HMCN2: variants seen among roughly 807,000 people sequenced by gnomAD.
HMCN2 encodes the protein hemicentin 2, also known as hemicentin-2.
Under a neutral mutation model 377.5 loss-of-function variants are expected in HMCN2, and 325 were observed. That is an observed-to-expected ratio of 0.86 (90% CI 0.79 to 0.94). HMCN2 has a LOEUF of 0.94. Ranked by LOEUF, HMCN2 falls within the 40% of genes least tolerant of loss-of-function variation. The pLI, the probability that HMCN2 is intolerant of heterozygous loss-of-function variation, is 0.00. For synonymous variants in HMCN2, 2,007 were observed against 2,046.8 expected (o/e 0.98, Z 0.53); for missense variants, 4,543 against 4,725.3 (o/e 0.96, Z 1.13).
At chr9:130,278,104 G>C (rs1313901105) in intron 1 of HMCN2, among the ~76,000 whole-genome samples, 1 of 151,658 alleles carries the variant, frequency 6.6e-6, no homozygotes, top group Non-Finnish European at 1.5e-5. Flanking sequence ...TATCATCATT[G>C]TTTTTTTGTT....
chr9:130,373,723 GGATGGATAGGTAGGTGGATGGATA>G (rs373521966), intron 48 of HMCN2, among the ~76,000 whole-genome samples: 60 of 151,278 alleles, frequency 4.0e-4, no homozygotes, highest in Non-Finnish European at 6.9e-4. Flanking sequence ...ATGGATGGAT[GGATGGATAGGTAGGTGGATGGATA>G]GATGGATAGG....
chr9:130,425,216 G>A (rs1844258273), intron 89 of HMCN2, 86 bp downstream of exon 89: 3 of 1,403,144 alleles, frequency 2.1e-6, no homozygotes, highest in Non-Finnish European at 2.8e-6. Flanking sequence ...GAGCAGCCAG[G>A]CCCACTCTCC....
rs953818099 is a variant in HMCN2, at chr9:130,357,763, G to A, written c.5426-71G>A. 2.6e-6 allele frequency: 3 copies of A among 1,173,568 alleles called. No homozygotes were observed. The African/African-American group carries it at 4.8e-5, about 19-fold the overall frequency. 72.7% of individuals were successfully genotyped at this position (1,173,568 alleles called of 1,614,324 possible). The stretch of plus-strand genomic sequence containing the variant: ...CACCTTCTCACCCCCAGGCATCGAG[G>A]GGGTTGCTGGGTGCCCACTGTACTC... On this transcript the variant is annotated intron_variant, in intron 34 of 97. Coordinates refer to ENST00000683500, the MANE Select transcript of HMCN2 (RefSeq NM_001291815.2).
intron 6 of HMCN2, among the ~76,000 whole-genome samples, chr9:130,296,325 CA>C (rs1207415909): frequency 2.0e-5 from 3 of 152,200 alleles, no homozygotes; most frequent in Non-Finnish European, 4.4e-5. Context: ...TCCTGCCTTT[CA>C]AACTCTGAGC....
intron 15 of HMCN2, among the ~76,000 whole-genome samples, chr9:130,316,778 G>T (rs1837583879): frequency 1.3e-5 from 2 of 152,238 alleles, no homozygotes; most frequent in African/African-American, 4.8e-5. Flanking sequence ...TCACCTGGGA[G>T]TCTGTGTGAG....
At chr9:130,305,991 T>G in intron 11 of HMCN2, 138 bp from the exon 12 acceptor site, 1 of 377,440 alleles carries the variant, frequency 2.6e-6, no homozygotes, top group South Asian at 2.0e-5. Context: ...CCCGGGAGAT[T>G]GAAGCCCTCT....
chr9:130,397,867 A>G (rs535520628), intron 74 of HMCN2, among the ~76,000 whole-genome samples: 1 of 152,290 alleles, frequency 6.6e-6, no homozygotes, highest in Admixed American at 6.5e-5. Context: ...CAGCGATTCG[A>G]TTAAGTAAGA....
In HMCN2 at chr9:130,364,864, T is replaced by G; in HGVS notation, c.6383T>G (p.Leu2128Arg). ...CTGGAACCACGGCCTGGAGTCCACC[T>G]CTCCGCAGACAAAGCCTTGCTGCAG... Reference protein sequence around the residue: ...RPLEPRPGVHLSADKALLQVD... With the variant: ...RPLEPRPGVHRSADKALLQVD... The change falls in exon 41 of 98, where the codon CTC (leucine) becomes CGC (arginine). Residue 2128 changes from leucine (L) to arginine (R), a missense_variant. By Grantham distance (102) the Leu-to-Arg change is moderately radical. Around this residue, in one of 5 missense-constraint regions of HMCN2, gnomAD observed 1,032 missense variants for 1,285.1 expected, o/e 0.80. Transcript: ENST00000683500. The G allele has an allele frequency of 1.0e-6, 1 of 985,906 alleles. No homozygotes were observed. Among genetic ancestry groups the G allele is most frequent in the Non-Finnish European group, 1.2e-6 (1 of 830,000 alleles). 61.1% of individuals were successfully genotyped at this position (985,906 alleles called of 1,614,324 possible). A position where few individuals can be genotyped will look rare whatever the true frequency, so the allele number is the denominator to read the frequency against.
intron 22 of HMCN2, among the ~76,000 whole-genome samples, chr9:130,330,083 C>T (rs1326072077): frequency 5.3e-5 from 8 of 151,086 alleles, no homozygotes; most frequent in Admixed American, 4.6e-4. Flanking sequence ...CCTTCCTTCT[C>T]CAAGGATGTC....
intron 4 of HMCN2, among the ~76,000 whole-genome samples, chr9:130,294,201 A>G (rs1223456704): frequency 6.6e-6 from 1 of 152,156 alleles, no homozygotes; most frequent in Non-Finnish European, 1.5e-5. Context: ...ATGTGTACCT[A>G]AGGGATAGGA....
intron 23 of HMCN2, among the ~76,000 whole-genome samples, chr9:130,338,786 A>G (rs1299757463): frequency 1.3e-5 from 2 of 152,272 alleles, no homozygotes; most frequent in Non-Finnish European, 2.9e-5. Context: ...TCCTGTTTTC[A>G]GAGATCATGA....
intron 30 of HMCN2, among the ~76,000 whole-genome samples, chr9:130,352,092 G>A (rs896068561): frequency 3.9e-5 from 6 of 152,180 alleles, no homozygotes; most frequent in East Asian, 1.9e-4. Context: ...GATTACAGGC[G>A]TGAGTCACTG....
At chr9:130,370,899 G>A (rs1044106154) in intron 45 of HMCN2, 65 bp from the exon 46 acceptor site, 3 of 949,904 alleles carry the variant, frequency 3.2e-6, no homozygotes, top group African/African-American at 1.8e-5. Context: ...AGTGGGGCTG[G>A]GGAAGGAGCA....
intron 79 of HMCN2, 31 bp from the exon 80 acceptor site, chr9:130,403,710 C>CA (rs1564860996): frequency 1.2e-5 from 16 of 1,286,066 alleles, no homozygotes; most frequent in Non-Finnish European, 1.6e-5. Context: ...TCCCAGTTCC[C>CA]AGGCCCCCGA....
chr9:130,348,351 G>A (rs962903786), intron 26 of HMCN2, 194 bp from the exon 27 acceptor site: 1 of 740,138 alleles, frequency 1.4e-6, no homozygotes, highest in Non-Finnish European at 1.7e-6. Context: ...CACGACTGGG[G>A]GTGTGTGGGT....
chr9:130,369,035 C>G lies in HMCN2; in HGVS notation c.6788-535C>G, dbSNP rs1300797390. Among the ~76,000 whole-genome samples the G allele has an allele frequency of 2.6e-5, 4 of 152,124 alleles. No individual in the cohort carries two copies. The highest frequency in any genetic ancestry group is 5.9e-5 in the Non-Finnish European group (4 of 68,030). ...CAGCAGCACAGTCCCTAAGGGCCCC[C>G]CAGTGGTCCAGAGGAGAAAAGCCAC... On this transcript the variant is annotated intron_variant, in intron 44 of 97. Coordinates refer to ENST00000683500, the MANE Select transcript of HMCN2 (RefSeq NM_001291815.2). The surrounding 1 kb of genome is among the most constrained non-coding windows in gnomAD (Gnocchi z 4.5).
chr9:130,324,735 C>T (rs1838035638), intron 19 of HMCN2, among the ~76,000 whole-genome samples: 1 of 151,978 alleles, frequency 6.6e-6, no homozygotes, highest in Non-Finnish European at 1.5e-5. Flanking sequence ...AGTAATTCTC[C>T]TGCCTCAGCC....
In HMCN2 at chr9:130,362,926, G is replaced by A; in HGVS notation, c.6168G>A (p.Arg2056=). The A allele has an allele frequency of 1.0e-6, 1 of 985,934 alleles. No individual in the cohort carries two copies. The highest frequency in any genetic ancestry group is 1.2e-6 in the Non-Finnish European group (1 of 829,964). 61.1% of individuals were successfully genotyped at this position (985,934 alleles called of 1,614,324 possible). Residue 2056 remains arginine, a synonymous_variant, in exon 40 of 98, where the codon AGG becomes AGA. Coordinates refer to ENST00000683500, the MANE Select transcript of HMCN2 (RefSeq NM_001291815.2). ...GTGCCCGGGCCTCCGACTCTGGGAG[G>A]TACTCCTGCGTGGCTGTGAGCGCGG... ...LASARASDSG[R]YSCVAVSAVG...
intron 15 of HMCN2, among the ~76,000 whole-genome samples, chr9:130,316,483 C>T (rs1019704091): frequency 3.3e-5 from 5 of 152,086 alleles, no homozygotes; most frequent in Admixed American, 6.5e-5. Flanking sequence ...CCTGTCCCCT[C>T]GCCCCATCCC....
Sources: gnomAD v4.1 joint callset for allele counts (sites outside exome capture counted in the v4.1 genomes callset) on GRCh38, gnomAD v4.1.1 for gene constraint, gnomAD v4.1.1 regional missense constraint, Gnocchi (gnomAD v3.1) non-coding constraint, MANE v1.5 for transcripts, NCBI Gene and HGNC (gene_info 2026-07-23, HGNC 2026-07-21) for gene names.